The following PKD1L1 variants were observed in gnomAD, a reference collection of about 807,000 sequenced individuals.
PKD1L1 encodes the protein polycystin-1-like protein 1.
A neutral mutation model predicts 323.4 loss-of-function variants in PKD1L1; 236 were observed. The observed-to-expected ratio is 0.73, with a 90% CI of 0.66 to 0.81. The LOEUF (loss-of-function observed/expected upper bound fraction) is 0.81. Among genes scored for constraint, PKD1L1 ranks in the 40% least tolerant of loss-of-function variants. The pLI is 0.00. For synonymous variants in PKD1L1, 1,344 were observed against 1,335.0 expected, an observed-to-expected ratio of 1.01 and a Z score of -0.15; for missense variants, 3,320 against 3,508.0, an observed-to-expected ratio of 0.95 and a Z score of 1.35.
In PKD1L1 at chr7:47,835,170, C is replaced by A. The variant is rs369166928; in HGVS notation, c.6017G>T (p.Gly2006Val). 23 of 1,595,680 alleles carry A rather than the reference C, an allele frequency of 1.4e-5. No individual in the cohort carries two copies. The highest frequency in any genetic ancestry group is 1.9e-5 in the Non-Finnish European group (22 of 1,172,818). Residue 2006 changes from glycine to valine, a missense_variant, in exon 38 of 57, where the codon GGG (glycine) becomes GTG (valine). Physicochemically the swap from Gly to Val is moderately radical, Grantham distance 109. Coordinates refer to ENST00000289672, the MANE Select transcript of PKD1L1 (RefSeq NM_138295.5). ...GLLCTLLASP[G>V]AQLLSLLFRL... ...GAAGAGCAGGGACAAGAGCTGGGCC[C>A]CTGGAGAAGCCAGGAGGGTACACAG... is the stretch of plus-strand genomic sequence containing the variant.
Position 47,847,033 on chromosome 7 carries a change from A to G in PKD1L1, c.4999T>C (p.Tyr1667His). ...TATCTGTTTGGAGGTTTTCTGTCAT[A>G]GTCAGCATCCAATAAGGATAAATAG... ...VGYLSLLDAD[Y>H]DRKPPNRYLA... The change falls in exon 32 of 57, where the codon TAT becomes CAT. Residue 1667 changes from tyrosine (Y) to histidine (H), a missense_variant. By Grantham distance (83) the Tyr-to-His change is moderately conservative. Transcript: ENST00000289672. 1 of 1,608,100 alleles carries G rather than the reference A, an allele frequency of 6.2e-7. No homozygotes were observed. The highest frequency in any genetic ancestry group is 8.5e-7 in the Non-Finnish European group (1 of 1,178,066).
chr7:47,898,227 A>T, intron 13 of PKD1L1, 33 bp from the exon 14 acceptor site: 1 of 1,554,792 alleles, frequency 6.4e-7, no homozygotes, highest in South Asian at 1.1e-5. Context: ...GTCTCATTAA[A>T]ATGTCCATCA....
Position 47,905,162 on chromosome 7 carries a change from G to A in PKD1L1, c.1686C>T (p.Pro562=). 1 of 1,613,632 alleles carries A rather than the reference G, an allele frequency of 6.2e-7. No homozygotes were observed. Among genetic ancestry groups the A allele is most frequent in the Non-Finnish European group, 8.5e-7 (1 of 1,179,766 alleles). ...GGACTGCTACTTTTACTGACCATTGGGGGATGCTGAGTCTTTTTTTAATGC... is the reference window on the plus strand; with the variant it reads ...GGACTGCTACTTTTACTGACCATTGAGGGATGCTGAGTCTTTTTTTAATGC... ...SRSIKKRLSI[P]QWYRVMVKAS... The change falls in exon 11 of 57, where the codon CCC becomes CCT. Residue 562 remains proline, a synonymous_variant. Transcript: ENST00000289672.
chr7:47,900,107 A>C (rs1243611037), intron 13 of PKD1L1, among the ~76,000 whole-genome samples: 1 of 152,174 alleles, frequency 6.6e-6, no homozygotes, highest in East Asian at 1.9e-4. Context: ...ATTACTTTTT[A>C]TTGTTTCTAT....
chr7:47,848,038 T>C (rs985525655), intron 31 of PKD1L1, among the ~76,000 whole-genome samples: 3 of 152,202 alleles, frequency 2.0e-5, no homozygotes, highest in Admixed American at 1.3e-4. Flanking sequence ...ATAAAATGCA[T>C]ATTAAAATGA....
chr7:47,947,143 G>A (rs1418568649), intron 1 of PKD1L1, among the ~76,000 whole-genome samples: 1 of 152,174 alleles, frequency 6.6e-6, no homozygotes, highest in South Asian at 2.1e-4. Context: ...AGTGACATAA[G>A]GCAAAGAAAT....
chr7:47,832,981 T>C, intron 41 of PKD1L1, 109 bp downstream of exon 41: 1 of 1,378,204 alleles, frequency 7.3e-7, no homozygotes, highest in South Asian at 1.5e-5. Context: ...GAGACTAGAG[T>C]ATTCAGTGAC....
chr7:47,908,241 T>C lies in PKD1L1; in HGVS notation c.1238A>G (p.Tyr413Cys), dbSNP rs536954972. The change falls in exon 9 of 57, where the codon TAT (tyrosine) becomes TGT (cysteine). Residue 413 changes from tyrosine (Y) to cysteine (C), a missense_variant. Physicochemically the swap from Tyr to Cys is radical, Grantham distance 194. Coordinates refer to ENST00000289672, the MANE Select transcript of PKD1L1 (RefSeq NM_138295.5). ...GTTATAAATAACAGCCTTGAGCATA[T>C]AGACTCCTTCTGGAAAAATAAGAAT... ...LISAFVTKGV[Y>C]MLKAVIYNEF... 3.1e-6 allele frequency: 5 copies of C among 1,612,206 alleles called. No homozygotes were observed. The highest frequency in any genetic ancestry group is 2.2e-5 in the East Asian group (1 of 44,880).
At chr7:47,960,393 A>AAAC in the PKD1L1 span, among the ~76,000 whole-genome samples, 1 of 124,142 alleles carries the variant, frequency 8.1e-6, no homozygotes, top group African/African-American at 2.7e-5. Context: ...AAAAAAAAAA[A>AAAC]ACTGTAAAAA....
chr7:47,858,937 G>A, intron 26 of PKD1L1, 52 bp from the exon 27 acceptor site: 1 of 1,579,036 alleles, frequency 6.3e-7, no homozygotes, highest in South Asian at 1.1e-5. Context: ...AGCAAGGAGT[G>A]CCCGGGTGTA....
At chr7:47,837,191 G>T in intron 36 of PKD1L1, 97 bp from the exon 37 acceptor site, 1 of 1,367,450 alleles carries the variant, frequency 7.3e-7, no homozygotes, top group Non-Finnish European at 1.0e-6. Context: ...CAGAGACCAC[G>T]AGCTTTCTGG....
intron 7 of PKD1L1, among the ~76,000 whole-genome samples, chr7:47,919,088 G>A (rs943264494): frequency 1.1e-4 from 16 of 151,988 alleles, no homozygotes; most frequent in Non-Finnish European, 2.1e-4. Flanking sequence ...CAAAAAGCTG[G>A]TTCTTTGAAA....
the PKD1L1 span, among the ~76,000 whole-genome samples, chr7:47,958,570 A>G: frequency 0.046 from 7,049 of 152,268 alleles, 334 homozygotes; most frequent in African/African-American, 0.12. Flanking sequence ...ACAGGCAACA[A>G]AAGCAAACAA....
chr7:47,940,904 G>C (rs1166774617), intron 2 of PKD1L1, among the ~76,000 whole-genome samples: 1 of 152,218 alleles, frequency 6.6e-6, no homozygotes, highest in African/African-American at 2.4e-5. Context: ...ATGTCTGTGA[G>C]AGCATCTGGA....
At chr7:47,935,332 C>T (rs1787847072) in intron 4 of PKD1L1, among the ~76,000 whole-genome samples, 1 of 152,172 alleles carries the variant, frequency 6.6e-6, no homozygotes, top group African/African-American at 2.4e-5. Context: ...AAGAATTTCA[C>T]ACAGAGATGC....
At position 47,881,958 on chromosome 7, in the gene PKD1L1, C is replaced by T; in HGVS notation, c.3393G>A (p.Trp1131Ter). The change falls in exon 20 of 57, where the codon TGG becomes TGA. Residue 1131 changes from tryptophan (W) to a stop codon, truncating the protein, a stop_gained. Coordinates refer to ENST00000289672, the MANE Select transcript of PKD1L1 (RefSeq NM_138295.5). LOFTEE classifies it high-confidence loss of function. ...GRAEPVLMID[W>*]PKALLGRAVF... Reference sequence around the variant, plus strand: ...CTGCTCGACCCAGCAGGGCCTTGGGCCAGTCAATCATGAGGACAGGCTCGG... The same window carrying T: ...CTGCTCGACCCAGCAGGGCCTTGGGTCAGTCAATCATGAGGACAGGCTCGG... 6.2e-7 allele frequency: 1 copy of T among 1,613,568 alleles called. No individual in the cohort carries two copies. Among genetic ancestry groups the T allele is most frequent in the Non-Finnish European group, 8.5e-7 (1 of 1,179,860 alleles).
chr7:47,829,392 C>T (rs1449727971), intron 44 of PKD1L1, 33 bp downstream of exon 44: 8 of 1,547,384 alleles, frequency 5.2e-6, no homozygotes, highest in Non-Finnish European at 7.0e-6. Context: ...TTTTTTAAAT[C>T]TCAATTTGCA....
At position 47,881,892 on chromosome 7, in the gene PKD1L1, A is replaced by G; in HGVS notation, c.3442+17T>C. 1 of 1,576,500 alleles carries G rather than the reference A, an allele frequency of 6.3e-7. No individual in the cohort carries two copies. Among genetic ancestry groups the G allele is most frequent in the Non-Finnish European group, 8.6e-7 (1 of 1,165,608 alleles). On this transcript the variant is annotated intron_variant, in intron 20 of 56. Coordinates refer to ENST00000289672, the MANE Select transcript of PKD1L1 (RefSeq NM_138295.5). ...AGAAACACTGCAAATTGGAGGGTAC[A>G]AAGAGGACATTCATACCTGAGGATG...
chr7:47,794,281 G>A (rs925471421), intron 55 of PKD1L1, among the ~76,000 whole-genome samples: 4 of 152,164 alleles, frequency 2.6e-5, no homozygotes, highest in Admixed American at 6.5e-5. Flanking sequence ...GGATGCCAAG[G>A]AGGAATAAGT....
Sources: gnomAD v4.1 joint callset for allele counts (sites outside exome capture counted in the v4.1 genomes callset) on GRCh38, gnomAD v4.1.1 for gene constraint, MANE v1.5 for transcripts, NCBI Gene and HGNC (gene_info 2026-07-23, HGNC 2026-07-21) for gene names.